EHBP1: variants seen among roughly 807,000 people sequenced by gnomAD.
EHBP1 encodes EH domain-binding protein 1.
Under a neutral mutation model 144.0 loss-of-function variants are expected in EHBP1, and 55 were observed. The ratio of observed to expected loss-of-function variants is 0.38; its 90% CI spans 0.31 to 0.48. The LOEUF (loss-of-function observed/expected upper bound fraction) is 0.48. Ranked by LOEUF, EHBP1 falls within the 20% of genes least tolerant of loss-of-function variation. The pLI is 0.98. For missense variants in EHBP1, 1,200 were observed against 1,364.2 expected, an observed-to-expected ratio of 0.88 and a Z score of 1.90; for synonymous variants, 469 against 472.7, an observed-to-expected ratio of 0.99 and a Z score of 0.10.
chr2:62,992,710 G>A (rs1216631266), intron 16 of EHBP1, among the ~76,000 whole-genome samples: 1 of 152,124 alleles, frequency 6.6e-6, no homozygotes, highest in Non-Finnish European at 1.5e-5. Flanking sequence ...CCTCCTTGAG[G>A]CTAGAGAATA....
Position 62,948,495 on chromosome 2 carries a change from A to G in EHBP1, c.1649A>G (p.Tyr550Cys), listed in dbSNP as rs772349202. ...TNSSVDQEKF[Y>C]AELSDLKREP... ...AGTTCTGTTGATCAAGAAAAATTCT[A>G]TGCAGAGCTTAGTGATCTGAAGCGG... is the stretch of plus-strand genomic sequence containing the variant. The change falls in exon 13 of 23, where the codon TAT (tyrosine) becomes TGT (cysteine). Residue 550 changes from tyrosine to cysteine, a missense_variant. Coordinates refer to ENST00000431489, the MANE Select transcript of EHBP1 (RefSeq NM_001142616.3). 12 of 1,613,824 alleles carry G rather than the reference A, an allele frequency of 7.4e-6. No homozygotes were observed. The highest frequency in any genetic ancestry group is 5.3e-5 in the African/African-American group (4 of 74,950).
At chr2:62,795,958 A>G (rs2043509417) in intron 5 of EHBP1, among the ~76,000 whole-genome samples, 1 of 151,892 alleles carries the variant, frequency 6.6e-6, no homozygotes, top group African/African-American at 2.4e-5. Context: ...TTTAATATGA[A>G]GAGAAATAAT....
intron 15 of EHBP1, among the ~76,000 whole-genome samples, chr2:62,979,883 T>C (rs906746076): frequency 4.0e-5 from 6 of 151,234 alleles, no homozygotes; most frequent in African/African-American, 1.5e-4. Flanking sequence ...GGACAAGGGC[T>C]ATATATATAT....
intron 2 of EHBP1, among the ~76,000 whole-genome samples, chr2:62,728,380 G>A (rs990453023): frequency 6.6e-6 from 1 of 152,146 alleles, no homozygotes; most frequent in African/African-American, 2.4e-5. Flanking sequence ...GAAGGTTCCA[G>A]TTTCTTCATT....
At position 62,957,676 on chromosome 2, in the gene EHBP1, C is replaced by T. The variant is rs573529216; in HGVS notation, c.2460+2016C>T. Among the ~76,000 whole-genome samples the T allele has an allele frequency of 1.9e-3, 184 of 95,456 alleles. 1 individual carries two copies. Among genetic ancestry groups the T allele is most frequent in the African/African-American group, 8.3e-3 (171 of 20,488 alleles). 62.6% of individuals were successfully genotyped at this position (95,456 alleles called of 152,430 possible). A position where few individuals can be genotyped will look rare whatever the true frequency, so the allele number is the denominator to read the frequency against. ...TTTTTTTTTTTTTGAGATGGAGTCT[C>T]GCCATGTCACCCAGGCTGGAGCGCA... On this transcript the variant is annotated intron_variant, in intron 14 of 22. Coordinates refer to ENST00000431489, the MANE Select transcript of EHBP1 (RefSeq NM_001142616.3).
At chr2:62,885,065 CACA>C (rs1421002524) in intron 10 of EHBP1, among the ~76,000 whole-genome samples, 4 of 152,176 alleles carry the variant, frequency 2.6e-5, no homozygotes, top group Non-Finnish European at 5.9e-5. Context: ...TAAAAAATTA[CACA>C]ACAATTATTT....
chr2:62,753,990 A>G (rs2040012263), intron 3 of EHBP1, among the ~76,000 whole-genome samples: 2 of 152,124 alleles, frequency 1.3e-5, no homozygotes, highest in South Asian at 2.1e-4. Context: ...TCTTCTCTCA[A>G]CTTGTCAATG....
intron 4 of EHBP1, among the ~76,000 whole-genome samples, chr2:62,768,439 A>G (rs2041369079): frequency 2.6e-5 from 4 of 152,204 alleles, no homozygotes; most frequent in African/African-American, 7.2e-5. Flanking sequence ...ATTCCTGGAC[A>G]CATGTACCCT....
At chr2:62,895,946 T>C in intron 10 of EHBP1, among the ~76,000 whole-genome samples, 1 of 152,164 alleles carries the variant, frequency 6.6e-6, no homozygotes, top group Middle Eastern at 3.2e-3. Flanking sequence ...TGCTTAACAA[T>C]GGTTAAATTA....
At chr2:62,983,956 G>A (rs931426613) in intron 15 of EHBP1, among the ~76,000 whole-genome samples, 1 of 152,092 alleles carries the variant, frequency 6.6e-6, no homozygotes, top group Admixed American at 6.6e-5. Flanking sequence ...TATTATTTCA[G>A]TTATGGAAAA....
rs539974461 is a variant in EHBP1, at chr2:62,979,765, C to G, written c.2608+430C>G. Among the ~76,000 whole-genome samples the G allele has an allele frequency of 1.7e-4, 26 of 152,106 alleles. 1 individual carries two copies. The highest frequency in any genetic ancestry group is 2.9e-4 in the Non-Finnish European group (20 of 68,006). On this transcript the variant is annotated intron_variant, in intron 15 of 22. Transcript: ENST00000431489. ...TTTAACAATATTCTGGCATTATAGC[C>G]TGAGATGTGAGAAGTTTATATAAGT...
intron 2 of EHBP1, among the ~76,000 whole-genome samples, chr2:62,720,273 T>C (rs2036099460): frequency 6.6e-6 from 1 of 152,140 alleles, no homozygotes; most frequent in South Asian, 2.1e-4. Flanking sequence ...TAGTGTAGGC[T>C]TTTGTGATGG....
At chr2:62,953,768 A>AT (rs1459206423) in intron 13 of EHBP1, among the ~76,000 whole-genome samples, 7 of 149,428 alleles carry the variant, frequency 4.7e-5, no homozygotes, top group Non-Finnish European at 9.0e-5. Context: ...AGCCAGGAAA[A>AT]TTAAAAAAAA....
intron 10 of EHBP1, among the ~76,000 whole-genome samples, chr2:62,914,973 G>T (rs1480450196): frequency 6.6e-6 from 1 of 151,862 alleles, no homozygotes; most frequent in Admixed American, 6.6e-5. Context: ...ATTGCCCTTA[G>T]ATATTACATT....
At chr2:62,691,232 G>T (rs141050462) in intron 1 of EHBP1, among the ~76,000 whole-genome samples, 393 of 152,334 alleles carry the variant, frequency 2.6e-3, no homozygotes, top group African/African-American at 8.4e-3. Context: ...TATGAAAGAA[G>T]TCTGGTGATA....
chr2:62,699,941 C>A (rs2034226084), intron 1 of EHBP1, among the ~76,000 whole-genome samples: 1 of 152,150 alleles, frequency 6.6e-6, no homozygotes, highest in Non-Finnish European at 1.5e-5. Context: ...TGCTGTGGAG[C>A]TGGACAAAAT....
upstream of EHBP1, among the ~76,000 whole-genome samples, chr2:62,703,896 A>G (rs1342854076): frequency 6.6e-6 from 1 of 152,248 alleles, no homozygotes; most frequent in East Asian, 1.9e-4. Context: ...GAATGACCAC[A>G]TAAGAAAGTT....
chr2:63,042,017 C>G (rs2061679378), intron 21 of EHBP1, among the ~76,000 whole-genome samples: 1 of 152,224 alleles, frequency 6.6e-6, no homozygotes, highest in Non-Finnish European at 1.5e-5. Context: ...CAAAACAGCT[C>G]AGTGCAGATG....
At chr2:62,698,759 G>C (rs1051317325) in intron 1 of EHBP1, among the ~76,000 whole-genome samples, 4 of 152,230 alleles carry the variant, frequency 2.6e-5, no homozygotes, top group African/African-American at 7.2e-5. Flanking sequence ...CAATATTGCA[G>C]CTCTCTCTGG....
Sources: gnomAD v4.1 joint callset for allele counts (sites outside exome capture counted in the v4.1 genomes callset) on GRCh38, gnomAD v4.1.1 for gene constraint, MANE v1.5 for transcripts, NCBI Gene and HGNC (gene_info 2026-07-23, HGNC 2026-07-21) for gene names.